Variants in NDUFAF6 observed in about 807,000 individuals in gnomAD.
The protein encoded by NDUFAF6 is NADH:ubiquinone oxidoreductase complex assembly factor 6.
Under a neutral mutation model 40.8 loss-of-function variants are expected in NDUFAF6, and 45 were observed. That is an observed-to-expected ratio of 1.10 (90% CI 0.87 to 1.42). The LOEUF is 1.42. Among genes scored for constraint, NDUFAF6 ranks in the 40% most tolerant of loss-of-function variants. The pLI is 0.00. For missense variants in NDUFAF6, 435 were observed against 418.5 expected (o/e 1.04, Z -0.34); for synonymous variants, 185 against 155.9 (o/e 1.19, Z -1.39).
intron 2 of NDUFAF6, among the ~76,000 whole-genome samples, chr8:94,983,206 A>G (rs1003424607): frequency 6.6e-6 from 1 of 150,958 alleles, no homozygotes; most frequent in Non-Finnish European, 1.5e-5. Context: ...ATGTGTTCAC[A>G]TAGTCCTTTG....
intron 1 of NDUFAF6, among the ~76,000 whole-genome samples, chr8:94,920,502 G>C (rs1819425912): frequency 6.6e-6 from 1 of 152,226 alleles, no homozygotes; most frequent in Non-Finnish European, 1.5e-5. Context: ...AGAGCACTTA[G>C]GGCCTAATCA....
chr8:95,064,566 C>T (rs967143614), intron 9 of NDUFAF6, among the ~76,000 whole-genome samples: 9 of 151,822 alleles, frequency 5.9e-5, no homozygotes, highest in Non-Finnish European at 8.8e-5. Context: ...TGTGTGTGCG[C>T]GCGTGCGTGT....
upstream of NDUFAF6, among the ~76,000 whole-genome samples, chr8:94,955,307 A>G (rs1822983201): frequency 6.6e-6 from 1 of 152,220 alleles, no homozygotes; most frequent in Non-Finnish European, 1.5e-5. Flanking sequence ...AGGTCGACAG[A>G]CCCACAGAAA....
downstream of NDUFAF6, among the ~76,000 whole-genome samples, chr8:95,063,493 C>T (rs1188015536): frequency 1.3e-5 from 2 of 151,886 alleles, no homozygotes; most frequent in Non-Finnish European, 2.9e-5. Flanking sequence ...GCTACTTAGG[C>T]GGCTGAGGTA....
intron 2 of NDUFAF6, chr8:95,087,844 T>G (rs566732995): frequency 6.6e-6 from 1 of 152,426 alleles, no homozygotes; most frequent in South Asian, 2.1e-4. Context: ...CTTTCAGTCT[T>G]TCTTGCTCAT....
At chr8:95,113,806 A>C (rs4735350) in intron 4 of NDUFAF6, among the ~76,000 whole-genome samples, 127,408 of 152,040 alleles carry the variant, frequency 0.84, 53,861 homozygotes, top group East Asian at 1. Context: ...AGGTGGCACG[A>C]CTGCACTCCA....
At chr8:94,931,599 CACACACACACAT>C (rs994449810) in intron 1 of NDUFAF6, among the ~76,000 whole-genome samples, 1 of 54,654 alleles carries the variant, frequency 1.8e-5, no homozygotes, top group African/African-American at 4.1e-5. Flanking sequence ...CACACACACA[CACACACACACAT>C]AAAATTTTTT....
downstream of NDUFAF6, among the ~76,000 whole-genome samples, chr8:95,061,853 T>C (rs758913916): frequency 7.1e-4 from 108 of 152,222 alleles, no homozygotes; most frequent in African/African-American, 2.3e-3. Context: ...TGTACAGTGA[T>C]GTGAAGTACT....
intron 1 of NDUFAF6, chr8:94,940,364 C>CA (rs1341256842): frequency 2.2e-6 from 2 of 923,278 alleles, no homozygotes; most frequent in African/African-American, 3.3e-5. Context: ...AGCTGATGCT[C>CA]ACGTATCTTC....
chr8:95,002,076 T>C (rs1242374266), intron 2 of NDUFAF6, among the ~76,000 whole-genome samples: 1 of 152,222 alleles, frequency 6.6e-6, no homozygotes, highest in African/African-American at 2.4e-5. Context: ...TTATGGTAGT[T>C]GTTAAATTAT....
At chr8:95,097,078 T>A (rs1406817192), upstream of NDUFAF6, among the ~76,000 whole-genome samples, 1 of 152,202 alleles carries the variant, frequency 6.6e-6, no homozygotes, top group Non-Finnish European at 1.5e-5. Context: ...CCTGGGCCAG[T>A]GAACAGACTC....
At chr8:94,922,440 G>T (rs1265062237) in intron 1 of NDUFAF6, among the ~76,000 whole-genome samples, 2 of 151,424 alleles carry the variant, frequency 1.3e-5, no homozygotes, top group Admixed American at 6.6e-5. Flanking sequence ...CAGAATCTCT[G>T]GCCCCATACA....
At chr8:94,940,225 A>G (rs1359867602) in intron 1 of NDUFAF6, 5 of 1,600,076 alleles carry the variant, frequency 3.1e-6, no homozygotes, top group Admixed American at 3.4e-5. Context: ...AAGTATCTAG[A>G]TCGTAGTCCA....
chr8:94,920,758 A>G (rs1819445055), intron 1 of NDUFAF6, among the ~76,000 whole-genome samples: 1 of 152,204 alleles, frequency 6.6e-6, no homozygotes, highest in African/African-American at 2.4e-5. Flanking sequence ...CACACTGCTC[A>G]CAGGCTGTGT....
At chr8:95,093,595 G>A (rs912901849) in intron 2 of NDUFAF6, among the ~76,000 whole-genome samples, 37 of 152,212 alleles carry the variant, frequency 2.4e-4, no homozygotes, top group African/African-American at 8.4e-4. Flanking sequence ...ACCACTCCCT[G>A]TCCCCTTTTT....
chr8:95,100,897 C>T (rs559922647), intron 1 of NDUFAF6, among the ~76,000 whole-genome samples: 9 of 152,290 alleles, frequency 5.9e-5, no homozygotes, highest in African/African-American at 2.2e-4. Flanking sequence ...TCCCGACCCC[C>T]CTCGCCCCAA....
At chr8:95,060,698 C>T (rs1230245212), downstream of NDUFAF6, among the ~76,000 whole-genome samples, 1 of 152,156 alleles carries the variant, frequency 6.6e-6, no homozygotes, top group Non-Finnish European at 1.5e-5. Context: ...ATGCCAGATC[C>T]ACATTAGTTC....
chr8:95,074,838 C>T (rs1211111219), intron 9 of NDUFAF6, among the ~76,000 whole-genome samples: 1 of 152,140 alleles, frequency 6.6e-6, no homozygotes, highest in Non-Finnish European at 1.5e-5. Flanking sequence ...AGCGATCCCA[C>T]CTGCCACTGC....
At chr8:94,991,982 G>C (rs1258671304) in intron 2 of NDUFAF6, among the ~76,000 whole-genome samples, 1 of 151,934 alleles carries the variant, frequency 6.6e-6, no homozygotes, top group African/African-American at 2.4e-5. Flanking sequence ...ATATCTAAAG[G>C]GTTTATACAT....
Sources: gnomAD v4.1 joint callset for allele counts (sites outside exome capture counted in the v4.1 genomes callset) on GRCh38, gnomAD v4.1.1 for gene constraint, MANE v1.5 for transcripts, NCBI Gene and HGNC (gene_info 2026-07-23, HGNC 2026-07-21) for gene names.